LRRC71: variants seen among roughly 807,000 people sequenced by gnomAD.
LRRC71 encodes leucine rich repeat containing 71, also known as leucine-rich repeat-containing protein 71.
LRRC71 carries 54 observed loss-of-function variants against 66.6 expected under a neutral mutation model. The observed-to-expected ratio is 0.81, with a 90% CI of 0.65 to 1.02. The LOEUF (loss-of-function observed/expected upper bound fraction) is 1.02, where lower values mean the gene tolerates loss of function less well. Ranked by LOEUF, LRRC71 falls within the 50% of genes least tolerant of loss-of-function variation. The pLI is 0.00. For missense variants in LRRC71, 724 were observed against 718.0 expected (o/e 1.01, Z -0.10); for synonymous variants, 323 against 303.9 (o/e 1.06, Z -0.65).
In LRRC71 at chr1:156,924,084, A is replaced by G; in HGVS notation, c.296A>G (p.Glu99Gly). ...PPFVPSASLS[E>G]KATLDDPRLS... ...TTCGTCCCCTCCGCCTCTTTGTCGG[A>G]AAAGGCCACCTTAGGTGAGTGACAG... Residue 99 changes from glutamate to glycine, a missense_variant, in exon 2 of 15, where the codon GAA becomes GGA. Glu to Gly is a moderately conservative substitution (Grantham distance 98). Transcript: ENST00000337428. 7.3e-7 allele frequency: 1 copy of G among 1,373,886 alleles called. No homozygotes were observed. Among genetic ancestry groups the G allele is most frequent in the East Asian group, 3.6e-5 (1 of 28,006 alleles). 85.1% of individuals were successfully genotyped at this position (1,373,886 alleles called of 1,614,324 possible).
downstream of LRRC71, among the ~76,000 whole-genome samples, chr1:156,934,562 T>C: frequency 6.6e-6 from 1 of 152,194 alleles, no homozygotes; most frequent in South Asian, 2.1e-4. Context: ...TATATCTATA[T>C]ATGTGTGTAT....
downstream of LRRC71, among the ~76,000 whole-genome samples, chr1:156,933,462 T>C (rs1481918005): frequency 2.6e-5 from 4 of 152,216 alleles, no homozygotes; most frequent in Non-Finnish European, 4.4e-5. Flanking sequence ...TCCCTTCTGC[T>C]TCCCCGTCTG....
At chr1:156,932,669 C>T (rs1453900762) in intron 14 of LRRC71, 124 bp downstream of exon 14, 1 of 1,599,534 alleles carries the variant, frequency 6.3e-7, no homozygotes, top group African/African-American at 1.3e-5. Flanking sequence ...TTCTCTGCTT[C>T]TTTTTAATAA....
chr1:156,932,822 T>C (rs926793036), intron 14 of LRRC71, 31 bp from the exon 15 acceptor site: 1 of 1,589,230 alleles, frequency 6.3e-7, no homozygotes, highest in Middle Eastern at 1.7e-4. Flanking sequence ...TCATTCCTCT[T>C]GTCAGATGTC....
At chr1:156,932,396 G>A (rs901689586) in intron 13 of LRRC71, 28 bp from the exon 14 acceptor site, 14 of 1,593,958 alleles carry the variant, frequency 8.8e-6, no homozygotes, top group Non-Finnish European at 1.2e-5. Context: ...GTGGTGCTAA[G>A]AGGCCACCTG....
downstream of LRRC71, chr1:156,933,162 G>A (rs1654642317): frequency 9.6e-6 from 5 of 523,164 alleles, no homozygotes; most frequent in Non-Finnish European, 1.7e-5. Context: ...CATGTTACAT[G>A]CCAGGAATGG....
downstream of LRRC71, among the ~76,000 whole-genome samples, chr1:156,936,482 A>G (rs1478724949): frequency 2.0e-4 from 13 of 65,688 alleles, no homozygotes; most frequent in African/African-American, 8.4e-4. Context: ...AATAAATAGA[A>G]AAAAAAAAAA....
At chr1:156,938,436 C>T in the LRRC71 span, 1 of 1,613,816 alleles carries the variant, frequency 6.2e-7, no homozygotes, top group South Asian at 1.1e-5. Context: ...TTTGTTCCGC[C>T]TTCCACTTCA....
At chr1:156,936,917 T>C, downstream of LRRC71, 1 of 1,614,110 alleles carries the variant, frequency 6.2e-7, no homozygotes, top group Non-Finnish European at 8.5e-7. Context: ...TCTAGCTGCT[T>C]CTGTGTGGAA....
rs778518390 is a variant in LRRC71 at position 156,928,139 on chromosome 1, G to A, written c.996+135G>A. ...CTCTGTCCTGACTGTCTTTCCCTCC[G>A]ATTTCTGCACAGACTTTTGCCAAGC... On this transcript the variant is annotated intron_variant, in intron 9 of 14. Coordinates refer to ENST00000337428, the MANE Select transcript of LRRC71 (RefSeq NM_144702.3). 3.4e-6 allele frequency: 3 copies of A among 882,022 alleles called. No homozygotes were observed. The South Asian group carries it at 4.9e-5, about 15-fold the overall frequency. 54.6% of individuals were successfully genotyped at this position (882,022 alleles called of 1,614,324 possible).
chr1:156,936,832 C>A (rs147993798), downstream of LRRC71: 3 of 1,613,766 alleles, frequency 1.9e-6, no homozygotes, highest in Non-Finnish European at 2.5e-6. Flanking sequence ...CAGGGCAGGG[C>A]CCCAGTTCAT....
chr1:156,932,334 G>A (rs1241120616), intron 13 of LRRC71, 90 bp from the exon 14 acceptor site: 1 of 1,070,532 alleles, frequency 9.3e-7, no homozygotes, highest in Non-Finnish European at 1.4e-6. Flanking sequence ...GTGGGGAGCT[G>A]GAGGAACTGG....
chr1:156,939,593 C>T, the LRRC71 span: 3 of 1,613,224 alleles, frequency 1.9e-6, no homozygotes, highest in Non-Finnish European at 2.5e-6. Context: ...GTGCTTGAAG[C>T]ATCTTCAGCC....
At chr1:156,928,363 C>CTCTTCTTCCTCTTCTTCT in intron 9 of LRRC71, among the ~76,000 whole-genome samples, 1 of 98,820 alleles carries the variant, frequency 1.0e-5, no homozygotes, top group East Asian at 3.5e-4. Context: ...CTTCTTCTTC[C>CTCTTCTTCCTCTTCTTCT]TCTTCTTCTT....
At chr1:156,936,497 A>AAAAAAAATAAAAAAAAAT (rs370282821), downstream of LRRC71, among the ~76,000 whole-genome samples, 3 of 33,916 alleles carry the variant, frequency 8.8e-5, no homozygotes, top group African/African-American at 4.6e-4. Context: ...AAAAAAAAAA[A>AAAAAAAATAAAAAAAAAT]ATATATATAT....
intron 9 of LRRC71, 68 bp downstream of exon 9, chr1:156,928,072 C>T: frequency 1.4e-6 from 2 of 1,436,342 alleles, no homozygotes; most frequent in East Asian, 2.5e-5. Flanking sequence ...TCCCCAAGTC[C>T]GCTGCTTTTC....
downstream of LRRC71, among the ~76,000 whole-genome samples, chr1:156,934,561 A>G (rs1357964884): frequency 6.6e-6 from 1 of 152,016 alleles, no homozygotes; most frequent in Admixed American, 6.6e-5. Context: ...GTATATCTAT[A>G]TATGTGTGTA....
chr1:156,929,218 A>G, intron 9 of LRRC71, 62 bp from the exon 10 acceptor site: 1 of 1,541,590 alleles, frequency 6.5e-7, no homozygotes, highest in Non-Finnish European at 8.8e-7. Flanking sequence ...GCTACCTTTC[A>G]TGCCCCCATT....
intron 8 of LRRC71, 38 bp downstream of exon 8, chr1:156,927,854 G>A (rs777075894): frequency 1.1e-4 from 170 of 1,611,482 alleles, no homozygotes; most frequent in Non-Finnish European, 1.3e-4. Flanking sequence ...GGCGTGGGCG[G>A]GCCGAGGGAG....
Sources: allele counts gnomAD v4.1 joint callset (sites outside exome capture counted in the v4.1 genomes callset), GRCh38; gene constraint gnomAD v4.1.1; transcripts MANE v1.5; gene names NCBI Gene and HGNC (gene_info 2026-07-23, HGNC 2026-07-21).